DACH1: variants seen among roughly 807,000 people sequenced by gnomAD.
The protein encoded by DACH1 is dachshund homolog 1.
DACH1 carries 12 observed loss-of-function variants against 54.2 expected under a neutral mutation model. The ratio of observed to expected loss-of-function variants is 0.22; its 90% CI spans 0.14 to 0.36. The LOEUF (loss-of-function observed/expected upper bound fraction) is 0.36. Ranked by LOEUF, DACH1 falls within the 10% of genes least tolerant of loss-of-function variation. The pLI is 1.00. For missense variants in DACH1, 805 were observed against 929.8 expected (o/e 0.87, Z 1.75); for synonymous variants, 386 against 366.2 (o/e 1.05, Z -0.62).
chr13:71,622,355 T>G (rs1018524264), intron 3 of DACH1, among the ~76,000 whole-genome samples: 2 of 151,988 alleles, frequency 1.3e-5, no homozygotes, highest in Admixed American at 6.6e-5. Context: ...AACATATATT[T>G]TTAATATCAA....
chr13:71,680,971 A>G (rs1880861270), intron 2 of DACH1, among the ~76,000 whole-genome samples: 1 of 152,006 alleles, frequency 6.6e-6, no homozygotes, highest in Non-Finnish European at 1.5e-5. Flanking sequence ...GCTGTATTAT[A>G]ATACATGACA....
chr13:71,522,246 A>AGC (rs915147202), intron 6 of DACH1, among the ~76,000 whole-genome samples: 2 of 152,036 alleles, frequency 1.3e-5, no homozygotes, highest in African/African-American at 2.4e-5. Flanking sequence ...TGGCAATGAG[A>AGC]ACACCTCAGA....
At chr13:71,611,213 A>G (rs1875307422) in intron 3 of DACH1, among the ~76,000 whole-genome samples, 1 of 152,208 alleles carries the variant, frequency 6.6e-6, no homozygotes, top group Admixed American at 6.5e-5. Context: ...TGAAACTAAG[A>G]TAAAGAAGGG....
At chr13:71,683,672 A>G (rs1881019091) in intron 1 of DACH1, among the ~76,000 whole-genome samples, 1 of 152,134 alleles carries the variant, frequency 6.6e-6, no homozygotes, top group South Asian at 2.1e-4. Flanking sequence ...TCCTCTTATT[A>G]TTACTTTCTC....
rs145456341 is a variant in DACH1 at position 71,595,980 on chromosome 13, TAAGAGGTCC to T, written c.1127-22977_1127-22969del. Among the ~76,000 whole-genome samples the T allele has an allele frequency of 3.9e-3, 597 of 152,192 alleles. 4 individuals are homozygous for T. The highest frequency in any genetic ancestry group is 6.7e-3 in the Non-Finnish European group (453 of 67,996). On this transcript the variant is annotated intron_variant, in intron 3 of 10. Transcript: ENST00000613252. ...AAATGAAGAATTAACAGATTTGGGG[TAAGAGGTCC>T]AAGAACTTATTTTTTTAGAGACTTT...
chr13:71,710,894 G>T (rs1482550788), intron 1 of DACH1, among the ~76,000 whole-genome samples: 1 of 152,052 alleles, frequency 6.6e-6, no homozygotes, highest in African/African-American at 2.4e-5. Flanking sequence ...TTGACTTCTG[G>T]GGTAAATTTT....
chr13:71,748,913 T>TC (rs1491580941), intron 1 of DACH1, among the ~76,000 whole-genome samples: 8 of 37,830 alleles, frequency 2.1e-4, no homozygotes, highest in African/African-American at 4.9e-4. Flanking sequence ...TCTTTCTTTC[T>TC]TTCTTTCTTT....
intron 2 of DACH1, among the ~76,000 whole-genome samples, chr13:71,679,655 CT>C (rs913845483): frequency 6.6e-6 from 1 of 151,904 alleles, no homozygotes; most frequent in African/African-American, 2.4e-5. Flanking sequence ...ACTCTGAGGT[CT>C]TTTTTATTTC....
At position 71,755,148 on chromosome 13, in the gene DACH1, A is replaced by G. The variant is rs80249884; in HGVS notation, c.849-73238T>C. On this transcript the variant is annotated intron_variant, in intron 1 of 10. Transcript: ENST00000613252. ...AGCAGTGTTCAACAGAGTTGCCGAT[A>G]TCTCCCCACCTTTAGTAGCTTTAAT... is the stretch of plus-strand genomic sequence containing the variant. Among the ~76,000 whole-genome samples, 154 of 152,320 alleles carry G rather than the reference A, an allele frequency of 1.0e-3. 2 individuals are homozygous for G. The East Asian group carries it at 0.026, about 25-fold the overall frequency.
intron 4 of DACH1, among the ~76,000 whole-genome samples, chr13:71,572,515 T>C (rs994007788): frequency 6.6e-6 from 1 of 152,144 alleles, no homozygotes; most frequent in South Asian, 2.1e-4. Flanking sequence ...CTTCTGGTCT[T>C]CTGATTCTCC....
intron 10 of DACH1, among the ~76,000 whole-genome samples, chr13:71,471,432 A>G (rs1384506920): frequency 6.6e-6 from 1 of 152,044 alleles, no homozygotes; most frequent in African/African-American, 2.4e-5. Context: ...AGTGGATTGG[A>G]AAAATGTCTA....
chr13:71,618,570 C>A (rs1875959738), intron 3 of DACH1, among the ~76,000 whole-genome samples: 1 of 151,726 alleles, frequency 6.6e-6, no homozygotes. Flanking sequence ...TATAATTAAG[C>A]TATTAAATGA....
chr13:71,544,710 T>C (rs1883347329), intron 6 of DACH1, among the ~76,000 whole-genome samples: 1 of 152,078 alleles, frequency 6.6e-6, no homozygotes, highest in South Asian at 2.1e-4. Flanking sequence ...ATGATAGTCT[T>C]TGTGACAGAC....
At chr13:71,784,780 T>A (rs1886522955) in intron 1 of DACH1, among the ~76,000 whole-genome samples, 1 of 152,130 alleles carries the variant, frequency 6.6e-6, no homozygotes, top group African/African-American at 2.4e-5. Context: ...TGACCTATTT[T>A]AAAAAATAAT....
chr13:71,509,054 T>C (rs1880557067), intron 6 of DACH1, among the ~76,000 whole-genome samples: 1 of 152,190 alleles, frequency 6.6e-6, no homozygotes, highest in Non-Finnish European at 1.5e-5. Context: ...CACCAGGGTG[T>C]ATAAATGTAC....
At chr13:71,825,632 C>A (rs1306906854) in intron 1 of DACH1, among the ~76,000 whole-genome samples, 1 of 152,042 alleles carries the variant, frequency 6.6e-6, no homozygotes, top group Non-Finnish European at 1.5e-5. Flanking sequence ...TGTATCAGCA[C>A]TTTATTTCTT....
chr13:71,544,693 C>A (rs1039891577), intron 6 of DACH1, among the ~76,000 whole-genome samples: 2 of 152,044 alleles, frequency 1.3e-5, no homozygotes, highest in Non-Finnish European at 2.9e-5. Context: ...ATGCAACACA[C>A]TGCAGTATGA....
chr13:71,866,421 C>T lies in DACH1; in HGVS notation c.349G>A (p.Gly117Ser). The T allele has an allele frequency of 3.5e-6, 5 of 1,417,248 alleles. No homozygotes were observed. Among genetic ancestry groups the T allele is most frequent in the South Asian group, 1.4e-5 (1 of 71,438 alleles). 87.8% of individuals were successfully genotyped at this position (1,417,248 alleles called of 1,614,324 possible). A position where few individuals can be genotyped will look rare whatever the true frequency, so the allele number is the denominator to read the frequency against. The stretch of plus-strand genomic sequence containing the variant: ...CCAGCGCTGATGCCGCCGCCGCCGC[C>T]GCCGCTGCCGTTGCTCGCGGCCGCC... ...NLAAASNGSG[G>S]GGGGISAGGG... The change falls in exon 1 of 11, where the codon GGC becomes AGC. Residue 117 changes from glycine (G) to serine (S), a missense_variant. This residue lies in a region of DACH1 where 305 missense variants were observed against 308.7 expected (regional missense o/e 0.99). Coordinates refer to ENST00000613252, the MANE Select transcript of DACH1 (RefSeq NM_080759.6).
At chr13:71,628,753 CA>C (rs1876851391) in intron 3 of DACH1, among the ~76,000 whole-genome samples, 1 of 152,084 alleles carries the variant, frequency 6.6e-6, no homozygotes, top group Admixed American at 6.6e-5. Flanking sequence ...CAAATATTGT[CA>C]TGTACTATCA....
Sources: allele counts gnomAD v4.1 joint callset (sites outside exome capture counted in the v4.1 genomes callset), GRCh38; gene constraint gnomAD v4.1.1; regional missense constraint gnomAD v4.1.1; transcripts MANE v1.5; gene names NCBI Gene and HGNC (gene_info 2026-07-23, HGNC 2026-07-21).